The following IMPA1 variants were observed in gnomAD, a reference collection of about 807,000 sequenced individuals.
IMPA1 encodes inositol monophosphatase 1.
IMPA1 carries 21 observed loss-of-function variants against 34.9 expected under a neutral mutation model. The observed-to-expected ratio is 0.60, with a 90% CI of 0.43 to 0.87. The LOEUF (loss-of-function observed/expected upper bound fraction) is 0.87. IMPA1 is among the 40% of genes least tolerant of loss of function. The pLI is 0.00. For missense variants in IMPA1, 299 were observed against 336.4 expected (o/e 0.89, Z 0.87); for synonymous variants, 95 against 104.4 (o/e 0.91, Z 0.55).
chr8:81,676,290 A>G lies in IMPA1; in HGVS notation c.303-11T>C. 8.2e-7 allele frequency: 1 copy of G among 1,224,042 alleles called. No individual in the cohort carries two copies. Among genetic ancestry groups the G allele is most frequent in the South Asian group, 1.5e-5 (1 of 65,054 alleles). 75.8% of individuals were successfully genotyped at this position (1,224,042 alleles called of 1,614,324 possible). Reference sequence around the variant, plus strand: ...GCTACAAAAGGAAATCTTTTTTTAAAAAAAAGGACAAAATACAAATTAACC... The same window carrying G: ...GCTACAAAAGGAAATCTTTTTTTAAGAAAAAGGACAAAATACAAATTAACC... On this transcript the variant is annotated splice_polypyrimidine_tract_variant and intron_variant, in intron 4 of 8. Transcript: ENST00000256108.
At position 81,681,550 on chromosome 8, in the gene IMPA1, G is replaced by A; in HGVS notation, c.11C>T (p.Pro4Leu). 1 of 1,607,124 alleles carries A rather than the reference G, an allele frequency of 6.2e-7. No homozygotes were observed. The highest frequency in any genetic ancestry group is 2.2e-5 in the East Asian group (1 of 44,838). Residue 4 changes from proline to leucine, a missense_variant, in exon 2 of 9, where the codon CCT becomes CTT. By Grantham distance (98) the Pro-to-Leu change is moderately conservative. Transcript: ENST00000256108. ...TGCATAATCCATGCATTCCTGCCAA[G>A]GATCAGCCATCTTCTGAAAATATTT... MADPWQECMDYAVT... is the reference protein window; with the variant it reads MADLWQECMDYAVT...
intron 7 of IMPA1, among the ~76,000 whole-genome samples, chr8:81,667,230 T>C (rs1352810803): frequency 1.3e-5 from 2 of 152,064 alleles, no homozygotes; most frequent in Non-Finnish European, 2.9e-5. Flanking sequence ...CTTACAAAAA[T>C]TGATCACAGA....
At chr8:81,685,435 A>C (rs1396925725) in intron 1 of IMPA1, among the ~76,000 whole-genome samples, 4 of 141,250 alleles carry the variant, frequency 2.8e-5, no homozygotes, top group Non-Finnish European at 4.5e-5. Context: ...ATGTATACCT[A>C]AGTATATTTC....
chr8:81,681,414 GAAAC>G (rs1807296121), intron 2 of IMPA1, 80 bp downstream of exon 2: 2 of 817,076 alleles, frequency 2.4e-6, no homozygotes, highest in Admixed American at 2.0e-5. Flanking sequence ...AAACCAAATC[GAAAC>G]AAACAAAACA....
Position 81,681,456 on chromosome 8 carries a change from C to G in IMPA1, c.63+42G>C, listed in dbSNP as rs1301174860. 4.5e-6 allele frequency: 5 copies of G among 1,098,920 alleles called. No individual in the cohort carries two copies. The African/African-American group carries it at 7.7e-5, about 17-fold the overall frequency. 68.1% of individuals were successfully genotyped at this position (1,098,920 alleles called of 1,614,324 possible). A position where few individuals can be genotyped will look rare whatever the true frequency, so the allele number is the denominator to read the frequency against. The stretch of plus-strand genomic sequence containing the variant: ...GCAACAACACAGTATACCCACCAAT[C>G]ACATTATAATTGATTATAATTGACA... On this transcript the variant is annotated intron_variant, in intron 2 of 8. Transcript: ENST00000256108.
intron 7 of IMPA1, among the ~76,000 whole-genome samples, chr8:81,662,389 C>A (rs1308513128): frequency 6.6e-6 from 1 of 152,120 alleles, no homozygotes; most frequent in African/African-American, 2.4e-5. Context: ...GCGGTGCTTC[C>A]GTCACTTCTA....
At chr8:81,675,756 TGTAA>T (rs1321935548) in intron 5 of IMPA1, among the ~76,000 whole-genome samples, 1 of 152,254 alleles carries the variant, frequency 6.6e-6, no homozygotes, top group African/African-American at 2.4e-5. Context: ...AGGCTTTAGA[TGTAA>T]GTATTTACAC....
At chr8:81,666,816 A>C (rs761024674) in intron 7 of IMPA1, among the ~76,000 whole-genome samples, 4 of 145,038 alleles carry the variant, frequency 2.8e-5, no homozygotes, top group Non-Finnish European at 6.0e-5. Flanking sequence ...GTTGCAGTGA[A>C]CCGAGATTGT....
intron 3 of IMPA1, among the ~76,000 whole-genome samples, chr8:81,680,218 A>G (rs1481284673): frequency 2.0e-5 from 3 of 152,122 alleles, no homozygotes; most frequent in African/African-American, 4.8e-5. Flanking sequence ...AGCGTGAGCT[A>G]TGCAGATACT....
chr8:81,683,784 G>T (rs986701906), intron 1 of IMPA1, among the ~76,000 whole-genome samples: 1 of 112,008 alleles, frequency 8.9e-6, no homozygotes, highest in African/African-American at 4.2e-5. Context: ...CCTGAGTCTG[G>T]ATAATCACTG....
intron 4 of IMPA1, among the ~76,000 whole-genome samples, chr8:81,677,243 G>A (rs1038397243): frequency 1.3e-5 from 2 of 152,164 alleles, no homozygotes; most frequent in East Asian, 3.9e-4. Flanking sequence ...TTACAAGCAT[G>A]TGCCACCATA....
intron 7 of IMPA1, among the ~76,000 whole-genome samples, chr8:81,669,381 G>A (rs1806925500): frequency 1.3e-5 from 2 of 152,322 alleles, no homozygotes; most frequent in Admixed American, 6.5e-5. Flanking sequence ...ACCCTGCAAA[G>A]CCACAGGGGC....
At position 81,658,601 on chromosome 8, in the gene IMPA1, T is replaced by G. The variant is rs1806581482; in HGVS notation, c.*750A>C. On this transcript the variant is annotated 3_prime_UTR_variant, in exon 9 of 9. Transcript: ENST00000256108. ...AATCCAAACAGACAATTTAACTGTT[T>G]TGGAAAATGTATTCACTGCAGAAAT... The G allele has an allele frequency of 6.6e-6, 1 of 152,586 alleles. No individual in the cohort carries two copies. Among genetic ancestry groups the G allele is most frequent in the Admixed American group, 6.6e-5 (1 of 15,264 alleles). 9.5% of individuals were successfully genotyped at this position (152,586 alleles called of 1,614,324 possible). A position where few individuals can be genotyped will look rare whatever the true frequency, so the allele number is the denominator to read the frequency against.
chr8:81,669,065 T>C (rs1461547300), intron 7 of IMPA1, among the ~76,000 whole-genome samples: 1 of 152,178 alleles, frequency 6.6e-6, no homozygotes, highest in African/African-American at 2.4e-5. Context: ...CAGCCTCCAC[T>C]TGGCCTCAAA....
chr8:81,672,813 T>C (rs1443950018), intron 6 of IMPA1, among the ~76,000 whole-genome samples: 6 of 152,236 alleles, frequency 3.9e-5, no homozygotes, highest in Admixed American at 3.9e-4. Flanking sequence ...TTCCCAGCTT[T>C]AACGGGCTTT....
chr8:81,660,464 G>C (rs761014882), intron 8 of IMPA1, 52 bp downstream of exon 8: 1 of 1,555,636 alleles, frequency 6.4e-7, no homozygotes, highest in Non-Finnish European at 8.8e-7. Flanking sequence ...TCTACATATG[G>C]ACAAAAGTCC....
At chr8:81,685,728 C>T in intron 1 of IMPA1, 4 of 1,301,850 alleles carry the variant, frequency 3.1e-6, no homozygotes, top group Non-Finnish European at 4.1e-6. Context: ...AATCACAGTA[C>T]ATTTATTGAT....
chr8:81,672,892 T>C (rs1807029456), intron 6 of IMPA1, among the ~76,000 whole-genome samples: 1 of 152,154 alleles, frequency 6.6e-6, no homozygotes, highest in Non-Finnish European at 1.5e-5. Flanking sequence ...ATAAAGAATT[T>C]TAGAAGCAGT....
chr8:81,659,296 A>G lies in IMPA1; in HGVS notation c.*55T>C. The G allele has an allele frequency of 3.2e-6, 3 of 928,826 alleles. No homozygotes were observed. In the South Asian group the frequency reaches 3.9e-5, roughly 12 times the overall value. The allele number at this position is 928,826 out of a possible 1,614,324, so 57.5% of individuals were successfully genotyped here. ...ATACATCCAAAACACATATCCATTG[A>G]TGAGTCACCAAATCTGGGGAAAAGC... On this transcript the variant is annotated 3_prime_UTR_variant, in exon 9 of 9. Transcript: ENST00000256108.
Sources: allele counts gnomAD v4.1 joint callset (sites outside exome capture counted in the v4.1 genomes callset), GRCh38; gene constraint gnomAD v4.1.1; transcripts MANE v1.5; gene names NCBI Gene and HGNC (gene_info 2026-07-23, HGNC 2026-07-21).